ATP8A1: variants seen among roughly 807,000 people sequenced by gnomAD.
ATP8A1 encodes the protein ATPase phospholipid transporting 8A1.
In ATP8A1, 90 loss-of-function variants were observed where a neutral mutation model predicts 177.7. The observed-to-expected ratio is 0.51, with a 90% CI of 0.43 to 0.60. The LOEUF (loss-of-function observed/expected upper bound fraction) is 0.60. Among genes scored for constraint, ATP8A1 ranks in the 20% least tolerant of loss-of-function variants. ATP8A1 has a pLI of 0.00. For missense variants in ATP8A1, 1,072 were observed against 1,392.8 expected (o/e 0.77, Z 3.67); for synonymous variants, 493 against 485.9 (o/e 1.01, Z -0.19).
chr4:42,561,186 C>G (rs940074607), intron 15 of ATP8A1, among the ~76,000 whole-genome samples: 4 of 152,212 alleles, frequency 2.6e-5, no homozygotes, highest in African/African-American at 9.7e-5. Context: ...TTTTATCCAG[C>G]GTGTGCACGG....
At chr4:42,592,256 G>A (rs954827530) in intron 6 of ATP8A1, among the ~76,000 whole-genome samples, 4 of 152,042 alleles carry the variant, frequency 2.6e-5, no homozygotes, top group Non-Finnish European at 4.4e-5. Flanking sequence ...TTAAGACACA[G>A]AAACTATTTC....
At position 42,601,610 on chromosome 4, in the gene ATP8A1, G is replaced by A. The variant is rs560369688; in HGVS notation, c.410-1092C>T. ...TGTGAGGTAGCCGGCACAGCACTTA[G>A]TACTTAGGGAGAGAAATATGTCAAG... On this transcript the variant is annotated intron_variant, in intron 5 of 36. Coordinates refer to ENST00000381668, the MANE Select transcript of ATP8A1 (RefSeq NM_006095.2). Among the ~76,000 whole-genome samples the A allele has an allele frequency of 7.9e-5, 12 of 152,236 alleles. No homozygotes were observed. In the South Asian group the frequency reaches 1.5e-3, roughly 18 times the overall value.
At chr4:42,650,666 G>A (rs181803575) in intron 1 of ATP8A1, among the ~76,000 whole-genome samples, 1 of 152,096 alleles carries the variant, frequency 6.6e-6, no homozygotes, top group East Asian at 1.9e-4. Context: ...TGGATACATC[G>A]TTTAGCACAT....
chr4:42,575,760 TAAAAG>T, intron 12 of ATP8A1, 61 bp from the exon 13 acceptor site: 1 of 1,395,334 alleles, frequency 7.2e-7, no homozygotes, highest in African/African-American at 1.4e-5. Context: ...GGTGAAACTT[TAAAAG>T]AAAACAATTA....
chr4:42,467,816 T>C (rs994880754), intron 25 of ATP8A1, among the ~76,000 whole-genome samples: 4 of 152,244 alleles, frequency 2.6e-5, no homozygotes, highest in Non-Finnish European at 2.9e-5. Flanking sequence ...TTGAGAATTG[T>C]TTATTCATGT....
At position 42,555,155 on chromosome 4, in the gene ATP8A1, TATCTATC is replaced by T. The variant is rs1730044309; in HGVS notation, c.1413+806_1413+812del. Among the ~76,000 whole-genome samples, 10 of 121,696 alleles carry T rather than the reference TATCTATC, an allele frequency of 8.2e-5. 1 individual carries two copies. The South Asian group carries it at 2.3e-3, about 29-fold the overall frequency. 79.8% of individuals were successfully genotyped at this position (121,696 alleles called of 152,430 possible). A position where few individuals can be genotyped will look rare whatever the true frequency, so the allele number is the denominator to read the frequency against. ...TATCTATCTAATCTATCTATCTATC[TATCTATC>T]TATCTATCTATCTATCTATCTATCT... On this transcript the variant is annotated intron_variant, in intron 16 of 36. Coordinates refer to ENST00000381668, the MANE Select transcript of ATP8A1 (RefSeq NM_006095.2).
intron 15 of ATP8A1, among the ~76,000 whole-genome samples, chr4:42,558,217 T>C (rs1730448945): frequency 6.6e-6 from 1 of 152,186 alleles, no homozygotes; most frequent in South Asian, 2.1e-4. Flanking sequence ...CAAGCTCATA[T>C]CAGTTAAAAA....
chr4:42,555,107 ATCT>A lies in ATP8A1; in HGVS notation c.1413+858_1413+860del, dbSNP rs900277596. Among the ~76,000 whole-genome samples, 7 of 92,404 alleles carry A rather than the reference ATCT, an allele frequency of 7.6e-5. No homozygotes were observed. In the Admixed American group the frequency reaches 7.9e-4, roughly 10 times the overall value. 60.6% of individuals were successfully genotyped at this position (92,404 alleles called of 152,430 possible). Reference sequence around the variant, plus strand: ...TGTGTATCTATCTATCTATCTATCTATCTATCTATCTATCTATCTATCTATCTA... The same window carrying A: ...TGTGTATCTATCTATCTATCTATCTAATCTATCTATCTATCTATCTATCTA... On this transcript the variant is annotated intron_variant, in intron 16 of 36. Coordinates refer to ENST00000381668, the MANE Select transcript of ATP8A1 (RefSeq NM_006095.2).
chr4:42,498,530 A>C (rs1352868176), intron 24 of ATP8A1, among the ~76,000 whole-genome samples: 1 of 152,212 alleles, frequency 6.6e-6, no homozygotes, highest in Admixed American at 6.5e-5. Context: ...AAAATATGTA[A>C]GTGAAGTGAA....
Position 42,443,560 on chromosome 4 carries a change from A to C in ATP8A1, c.3123+5T>G. On this transcript the variant is annotated splice_donor_5th_base_variant and intron_variant, in intron 33 of 36. Transcript: ENST00000381668. The stretch of plus-strand genomic sequence containing the variant: ...GTTGGATTGTGAGTTATTAGCGCAC[A>C]TTACCTCTCCTGACATATCAGGGGC... 1 of 1,123,498 alleles carries C rather than the reference A, an allele frequency of 8.9e-7. No individual in the cohort carries two copies. The highest frequency in any genetic ancestry group is 1.4e-6 in the Non-Finnish European group (1 of 732,860). 69.6% of individuals were successfully genotyped at this position (1,123,498 alleles called of 1,614,324 possible).
At chr4:42,513,656 G>A (rs1725235657) in intron 22 of ATP8A1, among the ~76,000 whole-genome samples, 1 of 152,206 alleles carries the variant, frequency 6.6e-6, no homozygotes, top group Admixed American at 6.5e-5. Flanking sequence ...GTGACGTGTG[G>A]CAGTGAGGAA....
At chr4:42,610,806 A>C (rs1371581708) in intron 5 of ATP8A1, among the ~76,000 whole-genome samples, 2 of 152,204 alleles carry the variant, frequency 1.3e-5, no homozygotes, top group Non-Finnish European at 2.9e-5. Flanking sequence ...CCCTAGGATC[A>C]CTGAAACACT....
intron 35 of ATP8A1, among the ~76,000 whole-genome samples, chr4:42,417,627 G>C (rs1042857763): frequency 2.0e-5 from 3 of 152,164 alleles, no homozygotes; most frequent in Non-Finnish European, 4.4e-5. Context: ...ACCAATTCAT[G>C]GTTCTGGAAT....
At position 42,548,383 on chromosome 4, in the gene ATP8A1, A is replaced by G. The variant is rs567164084; in HGVS notation, c.1652+630T>C. Reference sequence around the variant, plus strand: ...CGCTGGGCTTGTGAATCAGGCAGCTATATTTCAAAACGATTTCTTTTTCTA... The same window carrying G: ...CGCTGGGCTTGTGAATCAGGCAGCTGTATTTCAAAACGATTTCTTTTTCTA... On this transcript the variant is annotated intron_variant, in intron 19 of 36. Coordinates refer to ENST00000381668, the MANE Select transcript of ATP8A1 (RefSeq NM_006095.2). Among the ~76,000 whole-genome samples the G allele has an allele frequency of 3.3e-5, 5 of 152,330 alleles. No individual in the cohort carries two copies. The South Asian group carries it at 8.3e-4, about 25-fold the overall frequency.
At chr4:42,566,668 A>G (rs1320649663) in intron 15 of ATP8A1, among the ~76,000 whole-genome samples, 1 of 152,256 alleles carries the variant, frequency 6.6e-6, no homozygotes, top group Non-Finnish European at 1.5e-5. Context: ...TATCAAGGTA[A>G]AATGACTGAA....
chr4:42,628,309 G>A (rs1256715988), intron 1 of ATP8A1, among the ~76,000 whole-genome samples: 1 of 152,204 alleles, frequency 6.6e-6, no homozygotes, highest in East Asian at 1.9e-4. Flanking sequence ...AATCACTGAG[G>A]TGTTCTACAA....
intron 15 of ATP8A1, among the ~76,000 whole-genome samples, chr4:42,564,366 C>T (rs942216293): frequency 5.3e-5 from 8 of 152,226 alleles, no homozygotes; most frequent in Admixed American, 2.0e-4. Flanking sequence ...CTGGAAAAGC[C>T]GCAGACACTC....
chr4:42,492,846 T>C (rs753478418), intron 24 of ATP8A1, among the ~76,000 whole-genome samples: 2 of 152,224 alleles, frequency 1.3e-5, no homozygotes, highest in African/African-American at 2.4e-5. Context: ...TGAACATAAG[T>C]TCAGGAAGCC....
intron 22 of ATP8A1, among the ~76,000 whole-genome samples, chr4:42,516,398 T>TA (rs1035476510): frequency 2.5e-4 from 37 of 148,314 alleles, no homozygotes; most frequent in Non-Finnish European, 4.0e-4. Context: ...AAGTTTCCAT[T>TA]AAAAAAAAAA....
Sources: gnomAD v4.1 joint callset for allele counts (sites outside exome capture counted in the v4.1 genomes callset) on GRCh38, gnomAD v4.1.1 for gene constraint, MANE v1.5 for transcripts, NCBI Gene and HGNC (gene_info 2026-07-23, HGNC 2026-07-21) for gene names.